The following HCFC1 variants were observed in gnomAD, a reference collection of about 807,000 sequenced individuals.
HCFC1 encodes the protein host cell factor 1.
HCFC1 carries 7 observed loss-of-function variants against 105.5 expected under a neutral mutation model. That is an observed-to-expected ratio of 0.07 (90% confidence interval 0.04 to 0.12). The LOEUF is 0.12. Ranked by LOEUF, HCFC1 falls within the 10% of genes least tolerant of loss-of-function variation. HCFC1 has a pLI of 1.00. For synonymous variants in HCFC1, 918 were observed against 828.1 expected, an observed-to-expected ratio of 1.11 and a Z score of -1.86; for missense variants, 1,065 against 1,823.6, an observed-to-expected ratio of 0.58 and a Z score of 7.58.
chrX:153,952,983 G>A (rs782620700), intron 18 of HCFC1, 25 bp from the exon 19 acceptor site: 11 of 1,132,039 alleles, frequency 9.7e-6, no homozygotes, highest in Middle Eastern at 2.4e-4. Context: ...CAGCAGAGAA[G>A]GGCATGTCAG....
At position 153,952,817 on chromosome X, in the gene HCFC1, C is replaced by A. The variant is rs781955447; in HGVS notation, c.4639G>T (p.Val1547Leu). The A allele has an allele frequency of 9.2e-6, 11 of 1,197,091 alleles. No individual in the cohort carries two copies. The highest frequency in any genetic ancestry group is 1.1e-5 in the Non-Finnish European group (10 of 888,541). The stretch of plus-strand genomic sequence containing the variant: ...GGCTCCCCTGTGCTGCTCAGATCCA[C>A]GGCGGCCGGGAGCTCAGGGGTCTGG... ...ASQTPELPAA[V>L]DLSSTGEPSS... Residue 1547 changes from valine (V) to leucine (L), a missense_variant, in exon 19 of 26, where the codon GTG (valine) becomes TTG (leucine). By Grantham distance (32) the Val-to-Leu change is conservative. Transcript: ENST00000310441.
intron 10 of HCFC1, 64 bp from the exon 11 acceptor site, chrX:153,958,313 G>A: frequency 1.1e-6 from 1 of 903,524 alleles, no homozygotes; most frequent in Non-Finnish European, 1.6e-6. Context: ...CACCCAAGAT[G>A]TCCACGGTGG....
In HCFC1 at chrX:153,954,475, C is replaced by T. The variant is rs1557113815; in HGVS notation, c.3924G>A (p.Ser1308=). Residue 1308 remains serine, a synonymous_variant, in exon 17 of 26, where the codon TCG becomes TCA. Transcript: ENST00000310441. ...ETGTTNTATT[S]NAGSAQRVCS... ...ACACCCTCTGGGCGCTGCCTGCATTCGAGGTAGTGGCGGTGTTGGTGGTGC... is the reference window on the plus strand; with the variant it reads ...ACACCCTCTGGGCGCTGCCTGCATTTGAGGTAGTGGCGGTGTTGGTGGTGC... 5 of 1,209,440 alleles carry T rather than the reference C, an allele frequency of 4.1e-6. No individual in the cohort carries two copies. In the South Asian group the frequency reaches 8.8e-5, roughly 21 times the overall value.
intron 1 of HCFC1, among the ~76,000 whole-genome samples, chrX:153,967,957 G>A (rs781992053): frequency 2.7e-5 from 3 of 111,456 alleles, no homozygotes; most frequent in East Asian, 2.8e-4. Context: ...GTGGCAGAAC[G>A]GCCTCTATGA....
At chrX:153,958,540 C>G in intron 10 of HCFC1, 29 bp downstream of exon 10, 1 of 1,149,412 alleles carries the variant, frequency 8.7e-7, no homozygotes, top group African/African-American at 1.8e-5. Context: ...CTTGTTTGAC[C>G]ACAGTGACAA....
chrX:153,969,995 G>A (rs782295413), intron 1 of HCFC1: 4 of 113,331 alleles, frequency 3.5e-5, no homozygotes, highest in African/African-American at 1.3e-4. Flanking sequence ...GGGTCCCCAA[G>A]GCTCCGGCAT....
At chrX:153,959,605 TTC>T (rs2065410126) in intron 8 of HCFC1, 114 bp from the exon 9 acceptor site, 2 of 1,000,000 alleles carry the variant, frequency 2.0e-6, no homozygotes, top group Non-Finnish European at 2.8e-6. Context: ...AGTCTGGCTC[TTC>T]TCTGTGCCCT....
rs782344030 is a variant in HCFC1, at chrX:153,964,597, T to C, written c.323A>G (p.Asn108Ser). 8.3e-6 allele frequency: 10 copies of C among 1,202,008 alleles called. No homozygotes were observed. The highest frequency in any genetic ancestry group is 6.7e-5 in the Admixed American group (3 of 44,963). Residue 108 changes from asparagine (N) to serine (S), a missense_variant, in exon 2 of 26, where the codon AAT becomes AGT. By Grantham distance (46) the Asn-to-Ser change is conservative. Coordinates refer to ENST00000310441, the MANE Select transcript of HCFC1 (RefSeq NM_005334.3). ...GGMVEYGKYS[N>S]DLYELQASRW... ...CTTTACCTGGAGTTCGTAGAGGTCA[T>C]TGCTGTATTTCCCATACTCCACCAT...
chrX:153,960,716 G>A (rs1374954879), intron 6 of HCFC1, among the ~76,000 whole-genome samples: 1 of 112,401 alleles, frequency 8.9e-6, no homozygotes, highest in African/African-American at 3.2e-5. Flanking sequence ...AGTGGTTTAG[G>A]GAAAACGTGA....
In HCFC1 at chrX:153,952,563, C is replaced by T. The variant is rs2065324111; in HGVS notation, c.4893G>A (p.Gln1631=). ...AAQAAATEEA[Q]ALAIQAVLQA... Reference sequence around the variant, plus strand: ...GGAGCACCGCCTGGATGGCCAGGGCCTGGGCTTCCTCCGTGGCTGCGGCCT... The same window carrying T: ...GGAGCACCGCCTGGATGGCCAGGGCTTGGGCTTCCTCCGTGGCTGCGGCCT... Residue 1631 remains glutamine (Q), a synonymous_variant, in exon 19 of 26, where the codon CAG becomes CAA. Coordinates refer to ENST00000310441, the MANE Select transcript of HCFC1 (RefSeq NM_005334.3). 8.4e-7 allele frequency: 1 copy of T among 1,194,878 alleles called. No individual in the cohort carries two copies. The highest frequency in any genetic ancestry group is 1.1e-6 in the Non-Finnish European group (1 of 886,122).
rs2065317868 is a variant in HCFC1, at chrX:153,952,048, C to T, written c.5053G>A (p.Val1685Met). The change falls in exon 20 of 26, where the codon GTG (valine) becomes ATG (methionine). Residue 1685 changes from valine (V) to methionine (M), a missense_variant. Around this residue, in one of 17 missense-constraint regions of HCFC1, gnomAD observed 115 missense variants for 143.7 expected, o/e 0.80. Transcript: ENST00000310441. ...QEGQATTIPI[V>M]LTQQELAALV... Reference sequence around the variant, plus strand: ...GCAGCCAGCTCCTGCTGTGTCAGCACAATGGGTATGGTGGTGGCCTGGCCC... The same window carrying T: ...GCAGCCAGCTCCTGCTGTGTCAGCATAATGGGTATGGTGGTGGCCTGGCCC... 1.7e-6 allele frequency: 2 copies of T among 1,192,803 alleles called. No individual in the cohort carries two copies. Among genetic ancestry groups the T allele is most frequent in the Non-Finnish European group, 1.1e-6 (1 of 886,736 alleles).
intron 1 of HCFC1, chrX:153,969,203 C>T (rs2065501520): frequency 9.0e-6 from 1 of 111,586 alleles, no homozygotes; most frequent in African/African-American, 3.3e-5. Context: ...CTCCAGGCAG[C>T]TCCAGCTTCC....
rs1256593669 is a variant in HCFC1, at chrX:153,960,538, A to G, written c.905-124T>C. 14 of 462,204 alleles carry G rather than the reference A, an allele frequency of 3.0e-5. No individual in the cohort carries two copies. The Admixed American group carries it at 5.0e-4, about 16-fold the overall frequency. The allele number at this position is 462,204 out of a possible 1,213,427, so 38.1% of individuals were successfully genotyped here. On this transcript the variant is annotated intron_variant, in intron 6 of 25. Transcript: ENST00000310441. ...AATCAAGAAGTTATTGGATTATTAC[A>G]TTAAAAACAACAAAACAAAGAAACC... is the stretch of plus-strand genomic sequence containing the variant.
chrX:153,963,322 G>A lies in HCFC1; in HGVS notation c.615C>T (p.Ala205=), dbSNP rs369123498. 10 of 1,209,130 alleles carry A rather than the reference G, an allele frequency of 8.3e-6. No homozygotes were observed. Among genetic ancestry groups the A allele is most frequent in the Admixed American group, 2.2e-5 (1 of 46,089 alleles). Residue 205 remains alanine, a synonymous_variant, in exon 4 of 26, where the codon GCC becomes GCT. Coordinates refer to ENST00000310441, the MANE Select transcript of HCFC1 (RefSeq NM_005334.3). ...VLPPPRESHT[A]VVYTEKDNKK... The stretch of plus-strand genomic sequence containing the variant: ...TATTGTCTTTTTCGGTGTAGACCAC[G>A]GCAGTATGTGACTCCCGGGGTGGTG...
intron 6 of HCFC1, 127 bp from the exon 7 acceptor site, chrX:153,960,541 A>T (rs2065419945): frequency 1.1e-5 from 5 of 457,929 alleles, no homozygotes; most frequent in Non-Finnish European, 1.8e-5. Context: ...TTATTACATT[A>T]AAAACAACAA....
In HCFC1 at chrX:153,953,718, G is replaced by A; in HGVS notation, c.4386C>T (p.Asp1462=). Residue 1462 remains aspartate, a synonymous_variant, in exon 18 of 26, where the codon GAC becomes GAT. Transcript: ENST00000310441. ...DQGEVESTQG[D]SVNITSSSAI... is the part of the protein sequence containing the mutation. ...CACTGGAGCTGGTGATGTTCACGCTGTCGCCCTGGGTGCTCTCCACCTCTC... is the reference window on the plus strand; with the variant it reads ...CACTGGAGCTGGTGATGTTCACGCTATCGCCCTGGGTGCTCTCCACCTCTC... 1 of 1,210,415 alleles carries A rather than the reference G, an allele frequency of 8.3e-7. No individual in the cohort carries two copies. Among genetic ancestry groups the A allele is most frequent in the Non-Finnish European group, 1.1e-6 (1 of 894,894 alleles).
rs782730900 is a variant in HCFC1 at position 153,952,503 on chromosome X, C to T, written c.4942+11G>A. 216 of 1,144,351 alleles carry T rather than the reference C, an allele frequency of 1.9e-4. No individual in the cohort carries two copies. Among genetic ancestry groups the T allele is most frequent in the Non-Finnish European group, 2.4e-4 (208 of 863,447 alleles). 94.3% of individuals were successfully genotyped at this position (1,144,351 alleles called of 1,213,427 possible). On this transcript the variant is annotated intron_variant, in intron 19 of 25. Coordinates refer to ENST00000310441, the MANE Select transcript of HCFC1 (RefSeq NM_005334.3). Reference sequence around the variant, plus strand: ...GCGGCCCGGCTTCCCCAGGGTTGCACCGGCACTCACCCATGACGGCCTGCT... The same window carrying T: ...GCGGCCCGGCTTCCCCAGGGTTGCATCGGCACTCACCCATGACGGCCTGCT...
At position 153,950,498 on chromosome X, in the gene HCFC1, A is replaced by G; in HGVS notation, c.5749T>C (p.Ser1917Pro). Reference sequence around the variant, plus strand: ...ACGGAGTACTCGATAATCTTGCCGGAGGTCACAGAGGGTGGCTCCCAGGTG... The same window carrying G: ...ACGGAGTACTCGATAATCTTGCCGGGGGTCACAGAGGGTGGCTCCCAGGTG... Reference protein sequence around the residue: ...HLTWEPPSVTSGKIIEYSVYL... With the variant: ...HLTWEPPSVTPGKIIEYSVYL... Residue 1917 changes from serine (S) to proline (P), a missense_variant, in exon 24 of 26, where the codon TCC becomes CCC. This residue lies in a region of HCFC1 where 32 missense variants were observed against 68.3 expected (regional missense o/e 0.47). Transcript: ENST00000310441. 8.5e-7 allele frequency: 1 copy of G among 1,182,899 alleles called. No individual in the cohort carries two copies. The highest frequency in any genetic ancestry group is 1.1e-6 in the Non-Finnish European group (1 of 879,226).
At chrX:153,964,069 T>G in intron 3 of HCFC1, 55 bp downstream of exon 3, 1 of 1,062,183 alleles carries the variant, frequency 9.4e-7, no homozygotes, top group Non-Finnish European at 1.3e-6. Flanking sequence ...TGGAGCCCTG[T>G]GCATGTGAGA....
Sources: allele counts gnomAD v4.1 joint callset (sites outside exome capture counted in the v4.1 genomes callset), GRCh38; gene constraint gnomAD v4.1.1; regional missense constraint gnomAD v4.1.1; transcripts MANE v1.5; gene names NCBI Gene and HGNC (gene_info 2026-07-23, HGNC 2026-07-21).